Variants in SULF2 observed in about 807,000 individuals in gnomAD.
SULF2 encodes extracellular sulfatase Sulf-2.
A neutral mutation model predicts 107.7 loss-of-function variants in SULF2; 52 were observed. That is an observed-to-expected ratio of 0.48 (90% confidence interval 0.39 to 0.61). The LOEUF is 0.61. Ranked by LOEUF, SULF2 falls within the 20% of genes least tolerant of loss-of-function variation. The pLI, the probability that SULF2 is intolerant of heterozygous loss-of-function variation, is 0.00. For missense variants in SULF2, 993 were observed against 1,177.3 expected, an observed-to-expected ratio of 0.84 and a Z score of 2.29; for synonymous variants, 460 against 464.3, an observed-to-expected ratio of 0.99 and a Z score of 0.12.
In SULF2 at chr20:47,683,154, C is replaced by T. The variant is rs759929231; in HGVS notation, c.904G>A (p.Val302Ile). The part of the protein sequence containing the change: ...DSMETIYNML[V>I]ETGELDNTYI... ...GTGTTGTCCAGCTCGCCCGTCTCAA[C>T]CAGCATGTTGTAAATCTGCAACACG... The change falls in exon 7 of 21, where the codon GTT (valine) becomes ATT (isoleucine). Residue 302 changes from valine to isoleucine, a missense_variant. Val to Ile is a conservative substitution (Grantham distance 29). Around this residue, in one of 3 missense-constraint regions of SULF2, gnomAD observed 388 missense variants for 449.2 expected, o/e 0.86. Coordinates refer to ENST00000688720, the MANE Select transcript of SULF2 (RefSeq NM_001387048.1). 2 of 1,602,172 alleles carry T rather than the reference C, an allele frequency of 1.2e-6. No individual in the cohort carries two copies. Among genetic ancestry groups the T allele is most frequent in the African/African-American group, 2.7e-5 (2 of 74,868 alleles).
chr20:47,659,286 C>T, intron 20 of SULF2, 113 bp downstream of exon 20: 1 of 919,208 alleles, frequency 1.1e-6, no homozygotes, highest in Non-Finnish European at 1.8e-6. Context: ...CCACCCTCAT[C>T]ATGAGAACAA....
chr20:47,729,892 C>T (rs1253333913), intron 3 of SULF2, among the ~76,000 whole-genome samples: 3 of 152,204 alleles, frequency 2.0e-5, no homozygotes, highest in Non-Finnish European at 2.9e-5. Context: ...CCTGCCCCTG[C>T]GGTCCTGAAT....
chr20:47,739,615 C>T (rs1235897551), intron 2 of SULF2, among the ~76,000 whole-genome samples: 3 of 152,222 alleles, frequency 2.0e-5, no homozygotes, highest in Non-Finnish European at 2.9e-5. Flanking sequence ...CTCCACTCTG[C>T]TTCCCCGCTC....
chr20:47,707,207 T>G (rs1452627779), intron 3 of SULF2, among the ~76,000 whole-genome samples: 1 of 152,164 alleles, frequency 6.6e-6, no homozygotes, highest in Non-Finnish European at 1.5e-5. Context: ...CAAGGTGGTC[T>G]TTAACTCCTG....
At position 47,678,528 on chromosome 20, in the gene SULF2, C is replaced by CGGGGACCATGCTTCTCTCCCAT; in HGVS notation, c.1193+147_1193+148insATGGGAGAGAAGCATGGTCCCC. On this transcript the variant is annotated intron_variant, in intron 8 of 20. Transcript: ENST00000688720. The surrounding 1 kb of genome is among the most constrained non-coding windows in gnomAD (Gnocchi z 4.5). ...GAGAGGGGACCATGCTTCTCTCCCACAGCAGGTAAGTGGTTGGCATGGCGG... is the reference window on the plus strand; with the variant it reads ...GAGAGGGGACCATGCTTCTCTCCCACGGGGACCATGCTTCTCTCCCATAGCAGGTAAGTGGTTGGCATGGCGG... The CGGGGACCATGCTTCTCTCCCAT allele has an allele frequency of 2.0e-6, 2 of 996,100 alleles. No homozygotes were observed. The highest frequency in any genetic ancestry group is 3.0e-6 in the Non-Finnish European group (2 of 673,514). The allele number at this position is 996,100 out of a possible 1,614,324, so 61.7% of individuals were successfully genotyped here. A position where few individuals can be genotyped will look rare whatever the true frequency, so the allele number is the denominator to read the frequency against.
chr20:47,681,595 A>T (rs2087824590), intron 7 of SULF2, among the ~76,000 whole-genome samples: 1 of 152,214 alleles, frequency 6.6e-6, no homozygotes, highest in Non-Finnish European at 1.5e-5. Flanking sequence ...CTGTAAACTC[A>T]GGCAACTTAA....
At position 47,724,482 on chromosome 20, in the gene SULF2, G is replaced by A. The variant is rs146260306; in HGVS notation, c.415+12221C>T. On this transcript the variant is annotated intron_variant, in intron 3 of 20. Transcript: ENST00000688720. ...TGGGTGTTGGTGGCATGGAGGGCGG[G>A]CTGCCTGTGCCTAATTAAATGCTGG... Among the ~76,000 whole-genome samples the A allele has an allele frequency of 6.7e-4, 102 of 152,328 alleles. 2 individuals carry two copies. In the East Asian group the frequency reaches 0.019, roughly 28 times the overall value.
chr20:47,659,876 G>C, intron 18 of SULF2, 146 bp from the exon 19 acceptor site: 2 of 656,688 alleles, frequency 3.0e-6, no homozygotes, highest in Non-Finnish European at 5.4e-6. Context: ...TGAATTATGA[G>C]GGGTAGACTG....
At chr20:47,780,429 G>T (rs958946708) in intron 1 of SULF2, among the ~76,000 whole-genome samples, 3 of 152,150 alleles carry the variant, frequency 2.0e-5, no homozygotes, top group Non-Finnish European at 4.4e-5. Context: ...TCTTCCCCCA[G>T]ATCTTTCCAA....
rs1412276902 is a variant in SULF2 at position 47,678,534 on chromosome 20, G to T, written c.1193+142C>A. 3 of 794,568 alleles carry T rather than the reference G, an allele frequency of 3.8e-6. No homozygotes were observed. Among genetic ancestry groups the T allele is most frequent in the Admixed American group, 2.7e-5 (1 of 37,132 alleles). The allele number at this position is 794,568 out of a possible 1,614,324, so 49.2% of individuals were successfully genotyped here. On this transcript the variant is annotated intron_variant, in intron 8 of 20. Transcript: ENST00000688720. The surrounding 1 kb of genome is among the most constrained non-coding windows in gnomAD (Gnocchi z 4.5). ...GGACCATGCTTCTCTCCCACAGCAG[G>T]TAAGTGGTTGGCATGGCGGGACCTG...
intron 1 of SULF2, among the ~76,000 whole-genome samples, chr20:47,780,820 C>CT (rs750414432): frequency 4.6e-5 from 7 of 152,202 alleles, no homozygotes; most frequent in Non-Finnish European, 8.8e-5. Flanking sequence ...TCTCAAAGTG[C>CT]TGGGATTATA....
At chr20:47,681,633 G>A (rs1030921407) in intron 7 of SULF2, among the ~76,000 whole-genome samples, 6 of 152,182 alleles carry the variant, frequency 3.9e-5, no homozygotes, top group African/African-American at 1.4e-4. Flanking sequence ...GGCCTTGGGT[G>A]TAAAATGGGG....
chr20:47,750,292 C>T (rs1031461228), intron 2 of SULF2, among the ~76,000 whole-genome samples: 1 of 152,194 alleles, frequency 6.6e-6, no homozygotes, highest in Non-Finnish European at 1.5e-5. Flanking sequence ...CAGCTTCTAA[C>T]CATGGTTTTC....
At chr20:47,671,408 C>T (rs1480438852) in intron 11 of SULF2, among the ~76,000 whole-genome samples, 4 of 152,018 alleles carry the variant, frequency 2.6e-5, no homozygotes, top group South Asian at 2.1e-4. Flanking sequence ...CGGGTTCAAG[C>T]GACTCTGCTG....
At chr20:47,762,004 T>C (rs1806727) in intron 1 of SULF2, among the ~76,000 whole-genome samples, 35,372 of 152,224 alleles carry the variant, frequency 0.23, 4,094 homozygotes, top group South Asian at 0.26. Context: ...CTCATCTTCT[T>C]TTGTCTGCCA....
At chr20:47,695,219 T>C (rs1375375591) in intron 4 of SULF2, among the ~76,000 whole-genome samples, 2 of 152,216 alleles carry the variant, frequency 1.3e-5, no homozygotes, top group South Asian at 2.1e-4. Context: ...AAGCTTTATG[T>C]ATGGATGCAG....
intron 1 of SULF2, among the ~76,000 whole-genome samples, chr20:47,773,487 C>T (rs2090669091): frequency 6.6e-6 from 1 of 152,252 alleles, no homozygotes; most frequent in Admixed American, 6.5e-5. Flanking sequence ...CATGGTGCAG[C>T]CGAGCACGGC....
chr20:47,714,838 C>T (rs1206888270), intron 3 of SULF2, among the ~76,000 whole-genome samples: 1 of 152,234 alleles, frequency 6.6e-6, no homozygotes, highest in Non-Finnish European at 1.5e-5. Flanking sequence ...GGCCTTTGCC[C>T]TTGCTGTTAC....
intron 3 of SULF2, among the ~76,000 whole-genome samples, chr20:47,724,790 C>T (rs2089393332): frequency 6.6e-6 from 1 of 152,184 alleles, no homozygotes; most frequent in Admixed American, 6.5e-5. Flanking sequence ...TAATTATCGC[C>T]TTGGAGGAAT....
Sources: gnomAD v4.1 joint callset for allele counts (sites outside exome capture counted in the v4.1 genomes callset) on GRCh38, gnomAD v4.1.1 for gene constraint, gnomAD v4.1.1 regional missense constraint, Gnocchi (gnomAD v3.1) non-coding constraint, MANE v1.5 for transcripts, NCBI Gene and HGNC (gene_info 2026-07-23, HGNC 2026-07-21) for gene names.